Variants in NFAT5 observed in about 807,000 individuals in gnomAD.
NFAT5 encodes nuclear factor of activated T cells 5.
Under a neutral mutation model 166.5 loss-of-function variants are expected in NFAT5, and 31 were observed. The ratio of observed to expected loss-of-function variants is 0.19; its 90% CI spans 0.14 to 0.25. NFAT5 has a LOEUF of 0.25. Ranked by LOEUF, NFAT5 falls within the 10% of genes least tolerant of loss-of-function variation. The pLI, the probability that NFAT5 is intolerant of heterozygous loss-of-function variation, is 1.00. For synonymous variants in NFAT5, 612 were observed against 639.7 expected, an observed-to-expected ratio of 0.96 and a Z score of 0.65; for missense variants, 1,449 against 1,821.8, an observed-to-expected ratio of 0.80 and a Z score of 3.72.
intron 3 of NFAT5, among the ~76,000 whole-genome samples, chr16:69,646,776 A>G (rs777720022): frequency 2.6e-5 from 4 of 152,254 alleles, no homozygotes; most frequent in Non-Finnish European, 5.9e-5. Context: ...TTTACAGCTT[A>G]AAACGTTAAA....
Position 69,566,401 on chromosome 16 carries a change from G to C in NFAT5, c.73+27G>C. 7.0e-7 allele frequency: 1 copy of C among 1,433,658 alleles called. No individual in the cohort carries two copies. The highest frequency in any genetic ancestry group is 9.7e-7 in the Non-Finnish European group (1 of 1,035,366). The allele number at this position is 1,433,658 out of a possible 1,614,324, so 88.8% of individuals were successfully genotyped here. The stretch of plus-strand genomic sequence containing the variant: ...TGAGTCAGGCTGTGGGGGGTGGGGC[G>C]TGGGGGCGGGGAGACAGGGAGACAG... On this transcript the variant is annotated intron_variant, in intron 1 of 14. Transcript: ENST00000349945. The surrounding 1 kb of genome is among the most constrained non-coding windows in gnomAD (Gnocchi z 5.7).
At position 69,674,599 on chromosome 16, in the gene NFAT5, C is replaced by G. The variant is rs367581740; in HGVS notation, c.1558-2604C>G. Among the ~76,000 whole-genome samples, 62 of 152,140 alleles carry G rather than the reference C, an allele frequency of 4.1e-4. No homozygotes were observed. In the South Asian group the frequency reaches 0.013, roughly 32 times the overall value. The stretch of plus-strand genomic sequence containing the variant: ...TCCTCAGAAGAATTTGTGGGAAGAA[C>G]TAGACTAAACAAAGACTTGAAAGCT... On this transcript the variant is annotated intron_variant, in intron 9 of 14. Transcript: ENST00000349945.
intron 10 of NFAT5, among the ~76,000 whole-genome samples, chr16:69,682,510 C>T (rs1175282056): frequency 6.6e-6 from 1 of 151,392 alleles, no homozygotes; most frequent in Non-Finnish European, 1.5e-5. Context: ...GTCCCAGCTA[C>T]TTGGGAGGCT....
At chr16:69,651,018 A>T (rs905845155) in intron 4 of NFAT5, among the ~76,000 whole-genome samples, 1 of 152,192 alleles carries the variant, frequency 6.6e-6, no homozygotes, top group African/African-American at 2.4e-5. Flanking sequence ...ATGTTCATAG[A>T]ATTTATTCTT....
chr16:69,619,765 G>T (rs773775416), intron 2 of NFAT5, among the ~76,000 whole-genome samples: 2 of 152,202 alleles, frequency 1.3e-5, no homozygotes, highest in African/African-American at 4.8e-5. Context: ...CAGTAAAGCA[G>T]TAGAGAAGGG....
At chr16:69,681,097 C>T (rs887463560) in intron 10 of NFAT5, among the ~76,000 whole-genome samples, 16 of 152,058 alleles carry the variant, frequency 1.1e-4, no homozygotes, top group Admixed American at 1.0e-3. Flanking sequence ...TTTCAAGTGT[C>T]CATGAGAAGT....
At chr16:69,681,652 T>C (rs577608687) in intron 10 of NFAT5, among the ~76,000 whole-genome samples, 1 of 152,128 alleles carries the variant, frequency 6.6e-6, no homozygotes, top group Non-Finnish European at 1.5e-5. Flanking sequence ...GCACGGTGGC[T>C]CACGCCTGTA....
At chr16:69,655,053 G>A (rs1021668040) in intron 5 of NFAT5, among the ~76,000 whole-genome samples, 8 of 152,042 alleles carry the variant, frequency 5.3e-5, no homozygotes, top group African/African-American at 1.9e-4. Flanking sequence ...ATCCCCGTTT[G>A]AACTAGCAGT....
intron 2 of NFAT5, among the ~76,000 whole-genome samples, chr16:69,603,519 A>G (rs924538785): frequency 2.0e-5 from 3 of 152,102 alleles, no homozygotes; most frequent in African/African-American, 7.2e-5. Flanking sequence ...GCACTTTGGG[A>G]GGTGGGCAGA....
intron 10 of NFAT5, among the ~76,000 whole-genome samples, chr16:69,679,725 A>G (rs2036976596): frequency 6.6e-6 from 1 of 152,246 alleles, no homozygotes; most frequent in Non-Finnish European, 1.5e-5. Flanking sequence ...TTCAACAAAA[A>G]TAGGAGAAAG....
chr16:69,673,244 G>A (rs1259098206), intron 9 of NFAT5, among the ~76,000 whole-genome samples: 1 of 152,060 alleles, frequency 6.6e-6, no homozygotes, highest in African/African-American at 2.4e-5. Context: ...AATATAATCT[G>A]TCATTAATTC....
At chr16:69,671,683 T>G (rs2036627042) in intron 9 of NFAT5, among the ~76,000 whole-genome samples, 1 of 152,100 alleles carries the variant, frequency 6.6e-6, no homozygotes, top group Non-Finnish European at 1.5e-5. Context: ...GCCTATAGTT[T>G]TACAACAAAA....
At chr16:69,677,102 C>T (rs1034989462) in intron 9 of NFAT5, 101 bp from the exon 10 acceptor site, 8 of 1,097,828 alleles carry the variant, frequency 7.3e-6, no homozygotes, top group African/African-American at 4.9e-5. Flanking sequence ...TTTTTTTAAT[C>T]ACTTTTTAAA....
At position 69,647,018 on chromosome 16, in the gene NFAT5, T is replaced by C; in HGVS notation, c.254-10T>C. 1 of 1,551,984 alleles carries C rather than the reference T, an allele frequency of 6.4e-7. No individual in the cohort carries two copies. Among genetic ancestry groups the C allele is most frequent in the African/African-American group, 1.4e-5 (1 of 73,424 alleles). ...GTATAGTGTATTTACTCTTGAATTG[T>C]ACACTGCAGATGCTTCTTCAGCTCC... is the stretch of plus-strand genomic sequence containing the variant. On this transcript the variant is annotated splice_polypyrimidine_tract_variant and intron_variant, in intron 3 of 14. Transcript: ENST00000349945. This position sits in a 1 kb window ranked among gnomAD's most constrained non-coding sequence, Gnocchi z 4.8.
intron 2 of NFAT5, among the ~76,000 whole-genome samples, chr16:69,615,103 G>A (rs1280440588): frequency 6.8e-6 from 1 of 148,036 alleles, no homozygotes; most frequent in African/African-American, 2.5e-5. Flanking sequence ...GTGCAGTGGC[G>A]CGACCTCGGC....
chr16:69,570,124 A>G (rs980944367), intron 2 of NFAT5, among the ~76,000 whole-genome samples: 4 of 152,298 alleles, frequency 2.6e-5, no homozygotes, highest in Middle Eastern at 3.4e-3. Flanking sequence ...ACCATTTAGC[A>G]TGTTTATTTA....
intron 2 of NFAT5, 34 bp downstream of exon 2, chr16:69,568,582 T>TAACAC: frequency 6.4e-7 from 1 of 1,558,528 alleles, no homozygotes; most frequent in Non-Finnish European, 8.8e-7. Flanking sequence ...CATATTGTGT[T>TAACAC]AGTATGCAAA....
rs1555515541 is a variant in NFAT5 at position 69,568,346 on chromosome 16, A to ATGTG, written c.74-121_74-118dup. On this transcript the variant is annotated intron_variant, in intron 1 of 14. Transcript: ENST00000349945. ...AAAATGTATGTGTGTATATATATAT[A>ATGTG]TGTGTGTGTGTGTGTGTGTGTGTGT... The ATGTG allele has an allele frequency of 7.3e-3, 1,316 of 180,192 alleles. 6 individuals are homozygous for ATGTG. The highest frequency in any genetic ancestry group is 0.013 in the Admixed American group (169 of 12,948). The allele number at this position is 180,192 out of a possible 1,614,324, so 11.2% of individuals were successfully genotyped here. A position where few individuals can be genotyped will look rare whatever the true frequency, so the allele number is the denominator to read the frequency against.
In NFAT5 at chr16:69,700,664, T is replaced by G. The variant is rs1252551997; in HGVS notation, c.*4313T>G. 3 of 152,156 alleles carry G rather than the reference T, an allele frequency of 2.0e-5. No individual in the cohort carries two copies. The highest frequency in any genetic ancestry group is 7.2e-5 in the African/African-American group (3 of 41,434). The allele number at this position is 152,156 out of a possible 1,614,324, so 9.4% of individuals were successfully genotyped here. On this transcript the variant is annotated 3_prime_UTR_variant, in exon 15 of 15. Transcript: ENST00000349945. ...CTTTCCTCTGCTTTATGACCACAGGTTTTATCCCTAACCGAGACAGCTGTC... is the reference window on the plus strand; with the variant it reads ...CTTTCCTCTGCTTTATGACCACAGGGTTTATCCCTAACCGAGACAGCTGTC...
Sources: allele counts gnomAD v4.1 joint callset (sites outside exome capture counted in the v4.1 genomes callset), GRCh38; gene constraint gnomAD v4.1.1; non-coding constraint Gnocchi (gnomAD v3.1); transcripts MANE v1.5; gene names NCBI Gene and HGNC (gene_info 2026-07-23, HGNC 2026-07-21).